Variants in CHN2 observed in about 807,000 individuals in gnomAD.
The protein encoded by CHN2 is chimerin 2.
In CHN2, 35 loss-of-function variants were observed where a neutral mutation model predicts 56.3. That is an observed-to-expected ratio of 0.62 (90% confidence interval 0.47 to 0.82). The LOEUF is 0.82. CHN2 is among the 40% of genes least tolerant of loss of function. The probability of loss-of-function intolerance (pLI) is 0.00; values close to 1 mark genes in which losing one functional copy is unlikely to be tolerated. For missense variants in CHN2, 491 were observed against 580.5 expected, an observed-to-expected ratio of 0.85 and a Z score of 1.58; for synonymous variants, 210 against 212.8, an observed-to-expected ratio of 0.99 and a Z score of 0.12.
intron 1 of CHN2, 81 bp downstream of exon 1, chr7:29,195,071 G>A: frequency 6.9e-7 from 1 of 1,439,860 alleles, no homozygotes; most frequent in Non-Finnish European, 9.4e-7. Context: ...GATGGACAGA[G>A]CCTACCTGTG....
At chr7:29,450,375 G>A (rs570838821) in intron 6 of CHN2, among the ~76,000 whole-genome samples, 6 of 152,330 alleles carry the variant, frequency 3.9e-5, no homozygotes, top group African/African-American at 1.4e-4. Context: ...AGATGAAGAA[G>A]AATCTTGGAT....
intron 1 of CHN2, among the ~76,000 whole-genome samples, chr7:29,317,183 A>C (rs192145359): frequency 2.0e-5 from 3 of 152,336 alleles, no homozygotes; most frequent in Middle Eastern, 3.4e-3. Context: ...GTAGATAGGG[A>C]AGGAGGAAGT....
intron 6 of CHN2, among the ~76,000 whole-genome samples, chr7:29,470,145 A>G (rs963689109): frequency 9.9e-5 from 15 of 152,208 alleles, no homozygotes; most frequent in African/African-American, 2.7e-4. Context: ...AGGTGTCTGC[A>G]TCAATCACAC....
chr7:29,291,834 G>C (rs1372543556), intron 1 of CHN2, among the ~76,000 whole-genome samples: 1 of 152,128 alleles, frequency 6.6e-6, no homozygotes, highest in African/African-American at 2.4e-5. Flanking sequence ...GGATGGCACA[G>C]AGTATCTGTG....
intron 3 of CHN2, among the ~76,000 whole-genome samples, chr7:29,371,462 G>A (rs970799186): frequency 4.6e-5 from 7 of 152,288 alleles, no homozygotes; most frequent in East Asian, 3.9e-4. Context: ...ACTCCATGCC[G>A]ACAGATGCAA....
chr7:29,318,346 G>A (rs1688311971), intron 1 of CHN2, among the ~76,000 whole-genome samples: 1 of 152,208 alleles, frequency 6.6e-6, no homozygotes, highest in African/African-American at 2.4e-5. Context: ...TAAGGACAGA[G>A]TTGAATAGGT....
chr7:29,431,933 A>G (rs892459359), intron 6 of CHN2, among the ~76,000 whole-genome samples: 1 of 152,240 alleles, frequency 6.6e-6, no homozygotes, highest in Non-Finnish European at 1.5e-5. Context: ...CTTTCCAGAC[A>G]GGGCCCTCTC....
At chr7:29,418,639 C>T (rs1562592041) in intron 6 of CHN2, among the ~76,000 whole-genome samples, 1 of 152,170 alleles carries the variant, frequency 6.6e-6, no homozygotes. Context: ...TGTTCTGGGC[C>T]ACAGCCTAGC....
intron 10 of CHN2, among the ~76,000 whole-genome samples, chr7:29,506,221 G>A (rs982148422): frequency 6.6e-6 from 1 of 152,096 alleles, no homozygotes; most frequent in Non-Finnish European, 1.5e-5. Flanking sequence ...TTTGGGGGTT[G>A]GAAACGGAGC....
Position 29,297,823 on chromosome 7 carries a change from T to C in CHN2, c.50-56802T>C, listed in dbSNP as rs561787038. On this transcript the variant is annotated intron_variant, in intron 1 of 12. Coordinates refer to ENST00000222792, the MANE Select transcript of CHN2 (RefSeq NM_004067.4). ...CATTAAACAGAGACACGATTACCTA[T>C]CTGTGAAAAGAGGACAGGGGAGGAG... Among the ~76,000 whole-genome samples the C allele has an allele frequency of 2.7e-3, 418 of 152,036 alleles. 2 individuals are homozygous for C. Among genetic ancestry groups the C allele is most frequent in the African/African-American group, 9.8e-3 (406 of 41,448 alleles).
intron 1 of CHN2, among the ~76,000 whole-genome samples, chr7:29,221,451 C>CT (rs1208893963): frequency 2.6e-5 from 4 of 151,394 alleles, no homozygotes; most frequent in Non-Finnish European, 5.9e-5. Context: ...AGTAGTAAAT[C>CT]TTTTTTTTTC....
chr7:29,323,645 TA>T (rs1272879508), intron 1 of CHN2, among the ~76,000 whole-genome samples: 1 of 151,796 alleles, frequency 6.6e-6, no homozygotes, highest in Non-Finnish European at 1.5e-5. Flanking sequence ...AAAGGCAGTT[TA>T]GGGGGAAGGG....
intron 6 of CHN2, among the ~76,000 whole-genome samples, chr7:29,452,182 G>T (rs181635604): frequency 6.6e-6 from 1 of 152,214 alleles, no homozygotes; most frequent in East Asian, 1.9e-4. Context: ...AAGCAAGGCC[G>T]TTTGGATCCA....
chr7:29,268,783 C>T (rs980591939), intron 1 of CHN2, among the ~76,000 whole-genome samples: 14 of 152,088 alleles, frequency 9.2e-5, no homozygotes, highest in African/African-American at 3.4e-4. Context: ...AGAAGGTGCA[C>T]TGTTCCAGGA....
At chr7:29,490,853 G>C (rs1788589155) in intron 7 of CHN2, among the ~76,000 whole-genome samples, 2 of 152,132 alleles carry the variant, frequency 1.3e-5, no homozygotes, top group South Asian at 4.2e-4. Context: ...GTGGTCAATT[G>C]ATACGAATAT....
At chr7:29,440,674 G>A (rs1272548685) in intron 6 of CHN2, among the ~76,000 whole-genome samples, 1 of 111,434 alleles carries the variant, frequency 9.0e-6, no homozygotes, top group Non-Finnish European at 1.7e-5. Context: ...AACACAATGA[G>A]ACTCCGTCTC....
At chr7:29,390,210 G>A (rs553434459) in intron 3 of CHN2, among the ~76,000 whole-genome samples, 1 of 152,074 alleles carries the variant, frequency 6.6e-6, no homozygotes, top group Non-Finnish European at 1.5e-5. Flanking sequence ...GTTCCTTTTT[G>A]AGCCAGCTGG....
At position 29,450,031 on chromosome 7, in the gene CHN2, T is replaced by A. The variant is rs1224327264; in HGVS notation, c.577-30248T>A. Among the ~76,000 whole-genome samples, 4 of 152,322 alleles carry A rather than the reference T, an allele frequency of 2.6e-5. No homozygotes were observed. The East Asian group carries it at 7.7e-4, about 29-fold the overall frequency. ...GGCTTCCAGGATCTTCCCTAGGGGA[T>A]GTGGTACAGGTTTAAGAAATTCAGG... On this transcript the variant is annotated intron_variant, in intron 6 of 12. Coordinates refer to ENST00000222792, the MANE Select transcript of CHN2 (RefSeq NM_004067.4).
intron 1 of CHN2, among the ~76,000 whole-genome samples, chr7:29,331,485 G>C (rs1796207106): frequency 6.6e-6 from 1 of 152,120 alleles, no homozygotes; most frequent in Non-Finnish European, 1.5e-5. Flanking sequence ...GGAGAGAGCA[G>C]TACCTCCGGC....
Sources: allele counts gnomAD v4.1 joint callset (sites outside exome capture counted in the v4.1 genomes callset), GRCh38; gene constraint gnomAD v4.1.1; transcripts MANE v1.5; gene names NCBI Gene and HGNC (gene_info 2026-07-23, HGNC 2026-07-21).